Variants in SHISA9 observed in about 807,000 individuals in gnomAD.
SHISA9 encodes protein shisa-9.
SHISA9 carries 13 observed loss-of-function variants against 38.0 expected under a neutral mutation model. The observed-to-expected ratio is 0.34, with a 90% CI of 0.22 to 0.54. The LOEUF is 0.54. Ranked by LOEUF, SHISA9 falls within the 20% of genes least tolerant of loss-of-function variation. SHISA9 has a pLI of 0.91. For missense variants in SHISA9, 538 were observed against 575.8 expected (o/e 0.93, Z 0.67); for synonymous variants, 275 against 242.0 (o/e 1.14, Z -1.27).
chr16:13,497,408 G>T, the SHISA9 span, among the ~76,000 whole-genome samples: 2 of 151,984 alleles, frequency 1.3e-5, no homozygotes, highest in African/African-American at 4.8e-5. Flanking sequence ...GAGAGGGGCC[G>T]GATGTGGTGG....
the SHISA9 span, among the ~76,000 whole-genome samples, chr16:13,264,399 C>G: frequency 6.6e-6 from 1 of 152,024 alleles, no homozygotes; most frequent in South Asian, 2.1e-4. Flanking sequence ...TCTCGAACTC[C>G]TGACCTCAAG....
chr16:13,525,720 G>A, the SHISA9 span, among the ~76,000 whole-genome samples: 1 of 152,156 alleles, frequency 6.6e-6, no homozygotes, highest in Non-Finnish European at 1.5e-5. Context: ...TGCTAATTAT[G>A]TTTTCCCTAA....
At chr16:13,481,093 G>A in the SHISA9 span, among the ~76,000 whole-genome samples, 386 of 152,288 alleles carry the variant, frequency 2.5e-3, 2 homozygotes, top group African/African-American at 9.0e-3. Context: ...CAGAGTTGGG[G>A]CTGACCAACC....
chr16:13,416,769 A>C, the SHISA9 span, among the ~76,000 whole-genome samples: 1 of 108,030 alleles, frequency 9.3e-6, no homozygotes, highest in South Asian at 3.9e-4. Context: ...GAAGGAAGGA[A>C]GGAAGGGAAG....
At chr16:13,285,878 G>A in the SHISA9 span, among the ~76,000 whole-genome samples, 1 of 151,920 alleles carries the variant, frequency 6.6e-6, no homozygotes, top group African/African-American at 2.4e-5. Flanking sequence ...TTCCAACTCT[G>A]TCAGGGGTTG....
chr16:13,513,305 T>C, the SHISA9 span, among the ~76,000 whole-genome samples: 4 of 151,522 alleles, frequency 2.6e-5, no homozygotes, highest in South Asian at 8.3e-4. Context: ...AAACCACAAG[T>C]CAGAATGGCA....
intron 2 of SHISA9, among the ~76,000 whole-genome samples, chr16:12,921,669 G>A (rs1283561228): frequency 6.6e-6 from 1 of 152,116 alleles, no homozygotes; most frequent in East Asian, 1.9e-4. Flanking sequence ...TAGTTGGGAG[G>A]CTGAGGTGGG....
chr16:13,520,669 A>G, the SHISA9 span, among the ~76,000 whole-genome samples: 2 of 151,542 alleles, frequency 1.3e-5, no homozygotes, highest in African/African-American at 4.8e-5. Context: ...CATCATCACA[A>G]AGACAAAATT....
the SHISA9 span, among the ~76,000 whole-genome samples, chr16:13,510,800 T>C: frequency 6.6e-6 from 1 of 152,180 alleles, no homozygotes; most frequent in Non-Finnish European, 1.5e-5. Context: ...GGTTTTTTTT[T>C]TGTAAAATAA....
At chr16:13,009,853 G>A (rs2072648134) in intron 2 of SHISA9, among the ~76,000 whole-genome samples, 1 of 152,164 alleles carries the variant, frequency 6.6e-6, no homozygotes, top group South Asian at 2.1e-4. Flanking sequence ...TGGGAGTGGG[G>A]GCTTGGCATG....
At chr16:13,233,505 G>C (rs2051352028) in intron 4 of SHISA9, among the ~76,000 whole-genome samples, 1 of 152,208 alleles carries the variant, frequency 6.6e-6, no homozygotes, top group South Asian at 2.1e-4. Context: ...AAGAAGGACT[G>C]GGTAGTAAAT....
intron 2 of SHISA9, among the ~76,000 whole-genome samples, chr16:13,008,569 G>T (rs2141849414): frequency 6.6e-6 from 1 of 151,724 alleles, no homozygotes; most frequent in South Asian, 2.1e-4. Flanking sequence ...CACGAGATCT[G>T]GTTGTTTGAT....
intron 2 of SHISA9, among the ~76,000 whole-genome samples, chr16:13,067,521 T>C (rs1036710649): frequency 6.6e-6 from 1 of 152,250 alleles, no homozygotes; most frequent in African/African-American, 2.4e-5. Flanking sequence ...CCAAGGCCAA[T>C]GTGTTCTATG....
At chr16:13,180,556 G>A (rs917528582) in intron 2 of SHISA9, among the ~76,000 whole-genome samples, 9 of 152,132 alleles carry the variant, frequency 5.9e-5, no homozygotes, top group African/African-American at 1.7e-4. Flanking sequence ...AAATTAGCTG[G>A]GCAGGGTGGC....
chr16:13,390,455 CTG>C, the SHISA9 span, among the ~76,000 whole-genome samples: 2 of 152,156 alleles, frequency 1.3e-5, no homozygotes, highest in African/African-American at 4.8e-5. Context: ...CTTTGTCCCT[CTG>C]TGTTTCTATA....
At chr16:13,393,878 A>G in the SHISA9 span, among the ~76,000 whole-genome samples, 1 of 152,188 alleles carries the variant, frequency 6.6e-6, no homozygotes, top group Non-Finnish European at 1.5e-5. Context: ...ATAGGTTTCT[A>G]TTATTCCTGG....
chr16:13,373,125 G>C, the SHISA9 span, among the ~76,000 whole-genome samples: 2 of 152,012 alleles, frequency 1.3e-5, no homozygotes, highest in East Asian at 3.9e-4. Context: ...GTGTTTTTAT[G>C]TGCAAAATAC....
At chr16:13,173,689 C>G (rs1265051555) in intron 2 of SHISA9, among the ~76,000 whole-genome samples, 1 of 152,118 alleles carries the variant, frequency 6.6e-6, no homozygotes. Context: ...ATCACCCACC[C>G]AAGCCAAGAG....
intron 2 of SHISA9, among the ~76,000 whole-genome samples, chr16:12,935,569 C>G (rs370624341): frequency 1.3e-5 from 2 of 152,170 alleles, no homozygotes; most frequent in Non-Finnish European, 2.9e-5. Context: ...AGGGACAGGC[C>G]GGGCCCAGGG....
Sources: allele counts gnomAD v4.1 joint callset (sites outside exome capture counted in the v4.1 genomes callset), GRCh38; gene constraint gnomAD v4.1.1; transcripts MANE v1.5; gene names NCBI Gene and HGNC (gene_info 2026-07-23, HGNC 2026-07-21).